Variants in LNPEP observed in about 807,000 individuals in gnomAD.
LNPEP encodes leucyl and cystinyl aminopeptidase.
Under a neutral mutation model 120.6 loss-of-function variants are expected in LNPEP, and 64 were observed. The ratio of observed to expected loss-of-function variants is 0.53; its 90% confidence interval spans 0.43 to 0.65. LNPEP has a LOEUF of 0.65. Ranked by LOEUF, LNPEP falls within the 30% of genes least tolerant of loss-of-function variation. The pLI, the probability that LNPEP is intolerant of heterozygous loss-of-function variation, is 0.00. For missense variants in LNPEP, 1,057 were observed against 1,200.0 expected, an observed-to-expected ratio of 0.88 and a Z score of 1.76; for synonymous variants, 435 against 425.4, an observed-to-expected ratio of 1.02 and a Z score of -0.28.
At chr5:96,972,670 C>G (rs564940478) in intron 1 of LNPEP, among the ~76,000 whole-genome samples, 2 of 152,156 alleles carry the variant, frequency 1.3e-5, no homozygotes, top group African/African-American at 4.8e-5. Flanking sequence ...ACTCAGAGGT[C>G]ACACTCTGTT....
At chr5:96,946,364 A>G (rs1789186471) in intron 1 of LNPEP, among the ~76,000 whole-genome samples, 1 of 152,234 alleles carries the variant, frequency 6.6e-6, no homozygotes, top group Non-Finnish European at 1.5e-5. Flanking sequence ...ATAATTGAAT[A>G]TAGAAAAGAG....
chr5:96,937,988 T>C (rs901031066), intron 1 of LNPEP, among the ~76,000 whole-genome samples: 1 of 152,258 alleles, frequency 6.6e-6, no homozygotes, highest in African/African-American at 2.4e-5. Context: ...TTTTGGTTAA[T>C]GTAGCAATCA....
Position 97,019,957 on chromosome 5 carries a change from C to T in LNPEP, c.2377-2343C>T, listed in dbSNP as rs868046939. Among the ~76,000 whole-genome samples, 6 of 152,268 alleles carry T rather than the reference C, an allele frequency of 3.9e-5. No homozygotes were observed. In the East Asian group the frequency reaches 5.8e-4, roughly 15 times the overall value. On this transcript the variant is annotated intron_variant, in intron 13 of 17. Coordinates refer to ENST00000231368, the MANE Select transcript of LNPEP (RefSeq NM_005575.3). ...TGCATTGCTTGTCCGTTCCTTGCATCGTCAGCGTAGCAAGTATTTTTCTAC... is the reference window on the plus strand; with the variant it reads ...TGCATTGCTTGTCCGTTCCTTGCATTGTCAGCGTAGCAAGTATTTTTCTAC...
At chr5:97,008,327 G>GT (rs1265951167) in intron 11 of LNPEP, among the ~76,000 whole-genome samples, 50 of 77,646 alleles carry the variant, frequency 6.4e-4, no homozygotes, top group African/African-American at 2.4e-3. Context: ...TTTTTTGTTT[G>GT]TTTTTTCTTG....
At chr5:96,944,315 A>G (rs540848436) in intron 1 of LNPEP, among the ~76,000 whole-genome samples, 14 of 152,316 alleles carry the variant, frequency 9.2e-5, no homozygotes, top group South Asian at 6.2e-4. Context: ...TTATTCTGAG[A>G]TAAATAATGT....
chr5:96,981,771 G>GATT (rs1283299565), intron 2 of LNPEP, among the ~76,000 whole-genome samples: 6 of 152,280 alleles, frequency 3.9e-5, no homozygotes, highest in Middle Eastern at 3.4e-3. Flanking sequence ...GAGACAGTCA[G>GATT]TAACCTTGGA....
At chr5:96,944,913 GTTA>G (rs138997852) in intron 1 of LNPEP, among the ~76,000 whole-genome samples, 5,694 of 152,168 alleles carry the variant, frequency 0.037, 179 homozygotes, top group Middle Eastern at 0.11. Context: ...AAATAATTAA[GTTA>G]TTATCTAAAG....
At chr5:96,958,629 T>G in intron 1 of LNPEP, 1 of 347,054 alleles carries the variant, frequency 2.9e-6, no homozygotes, top group Non-Finnish European at 4.1e-6. Flanking sequence ...ACGGATCTCA[T>G]TGGGCTAAAA....
At chr5:96,976,039 C>T (rs1789984676) in intron 1 of LNPEP, among the ~76,000 whole-genome samples, 1 of 152,124 alleles carries the variant, frequency 6.6e-6, no homozygotes, top group African/African-American at 2.4e-5. Flanking sequence ...AGGATCCCTT[C>T]TTTCAGTAGG....
At chr5:97,010,505 A>C in intron 11 of LNPEP, 2 of 985,366 alleles carry the variant, frequency 2.0e-6, no homozygotes, top group Non-Finnish European at 2.4e-6. Context: ...ATAAAGTTCA[A>C]TAGCATGTAT....
intron 2 of LNPEP, among the ~76,000 whole-genome samples, chr5:96,982,209 ATTC>A (rs904589702): frequency 6.6e-6 from 1 of 152,158 alleles, no homozygotes; most frequent in Non-Finnish European, 1.5e-5. Flanking sequence ...CAGAAGCCAC[ATTC>A]TTCACCACCA....
At chr5:96,951,691 A>G (rs1481017059) in intron 1 of LNPEP, among the ~76,000 whole-genome samples, 1 of 152,190 alleles carries the variant, frequency 6.6e-6, no homozygotes, top group East Asian at 1.9e-4. Context: ...ACTTTTCCAC[A>G]GGAATAAGTT....
At chr5:96,986,476 G>A (rs890861186) in intron 3 of LNPEP, 63 bp from the exon 4 acceptor site, 9 of 1,493,650 alleles carry the variant, frequency 6.0e-6, no homozygotes, top group Non-Finnish European at 8.3e-6. Context: ...CAGTTTCTCA[G>A]TTTGTTTGTT....
intron 9 of LNPEP, among the ~76,000 whole-genome samples, chr5:97,005,577 G>A (rs1357090200): frequency 1.3e-5 from 2 of 152,116 alleles, no homozygotes; most frequent in Admixed American, 6.5e-5. Context: ...ACAGTATTAG[G>A]TCCTAAGAGA....
chr5:96,942,159 C>G (rs1040931551), intron 1 of LNPEP: 1 of 152,134 alleles, frequency 6.6e-6, no homozygotes, highest in Non-Finnish European at 1.5e-5. Context: ...AATTCAGTCA[C>G]TCGTAAGTTG....
chr5:96,952,799 T>G (rs1348724069), intron 1 of LNPEP, among the ~76,000 whole-genome samples: 1 of 129,422 alleles, frequency 7.7e-6, no homozygotes, highest in Non-Finnish European at 1.8e-5. Flanking sequence ...AACGAAAACA[T>G]AATAGAGACA....
intron 14 of LNPEP, among the ~76,000 whole-genome samples, 169 bp from the exon 15 acceptor site, chr5:97,024,352 C>CTAGGAAGA (rs2112671904): frequency 6.6e-6 from 1 of 152,302 alleles, no homozygotes; most frequent in Admixed American, 6.5e-5. Context: ...AGACACACTA[C>CTAGGAAGA]TAGGAAGATA....
Position 96,954,703 on chromosome 5 carries a change from CATATATACACAT to C in LNPEP, c.19+18539_19+18550del, listed in dbSNP as rs1291662191. Among the ~76,000 whole-genome samples the C allele has an allele frequency of 8.9e-3, 433 of 48,442 alleles. 103 individuals carry two copies. Among genetic ancestry groups the C allele is most frequent in the South Asian group, 0.028 (52 of 1,848 alleles). 31.8% of individuals were successfully genotyped at this position (48,442 alleles called of 152,430 possible). On this transcript the variant is annotated intron_variant, in intron 1 of 17. Coordinates refer to ENST00000231368, the MANE Select transcript of LNPEP (RefSeq NM_005575.3). ...ATATATACATATATACACATATATA[CATATATACACAT>C]ATATATACATATATATATACATATA...
intron 1 of LNPEP, among the ~76,000 whole-genome samples, chr5:96,955,609 A>T (rs772956405): frequency 6.6e-6 from 1 of 152,146 alleles, no homozygotes; most frequent in Non-Finnish European, 1.5e-5. Flanking sequence ...ACAGAGTGAG[A>T]CTCCATCTCA....
Sources: allele counts gnomAD v4.1 joint callset (sites outside exome capture counted in the v4.1 genomes callset), GRCh38; gene constraint gnomAD v4.1.1; transcripts MANE v1.5; gene names NCBI Gene and HGNC (gene_info 2026-07-23, HGNC 2026-07-21).